ABCG2: variants seen among roughly 807,000 people sequenced by gnomAD.
ABCG2 encodes the protein broad substrate specificity ATP-binding cassette transporter ABCG2.
A neutral mutation model predicts 73.5 loss-of-function variants in ABCG2; 80 were observed. The ratio of observed to expected loss-of-function variants is 1.09; its 90% CI spans 0.91 to 1.31. The LOEUF (loss-of-function observed/expected upper bound fraction) is 1.31, where lower values mean the gene tolerates loss of function less well. Ranked by LOEUF, ABCG2 falls within the 50% of genes most tolerant of loss-of-function variation. ABCG2 has a pLI of 0.00. For missense variants in ABCG2, 796 were observed against 786.2 expected (o/e 1.01, Z -0.15); for synonymous variants, 269 against 282.4 (o/e 0.95, Z 0.48).
At chr4:88,102,246 T>A (rs1722473956) in intron 10 of ABCG2, among the ~76,000 whole-genome samples, 1 of 152,142 alleles carries the variant, frequency 6.6e-6, no homozygotes, top group Non-Finnish European at 1.5e-5. Context: ...AATTTGTGTA[T>A]CGTAATGAAA....
chr4:88,127,752 C>T (rs982462898), intron 5 of ABCG2, among the ~76,000 whole-genome samples: 6 of 151,480 alleles, frequency 4.0e-5, no homozygotes, highest in African/African-American at 9.7e-5. Context: ...CACTTCCTTA[C>T]ACCTCTACTC....
At chr4:88,189,309 C>T (rs1159080617) in intron 1 of ABCG2, among the ~76,000 whole-genome samples, 2 of 151,930 alleles carry the variant, frequency 1.3e-5, no homozygotes. Context: ...GGATCAAGAG[C>T]TTGAGACCAG....
chr4:88,156,145 C>T (rs1418331707), intron 1 of ABCG2, among the ~76,000 whole-genome samples: 2 of 151,830 alleles, frequency 1.3e-5, no homozygotes, highest in Non-Finnish European at 2.9e-5. Context: ...GAGGCCGAGG[C>T]GGGCAGATCA....
At chr4:88,175,088 T>A (rs1357459402) in intron 1 of ABCG2, among the ~76,000 whole-genome samples, 1 of 152,204 alleles carries the variant, frequency 6.6e-6, no homozygotes, top group Non-Finnish European at 1.5e-5. Flanking sequence ...TTTCTGTTGT[T>A]TAAATCAAGT....
At chr4:88,230,421 C>T (rs986852865) in intron 1 of ABCG2, among the ~76,000 whole-genome samples, 2 of 151,000 alleles carry the variant, frequency 1.3e-5, no homozygotes, top group African/African-American at 4.9e-5. Context: ...TCAAAGTGAC[C>T]ACCAGCCACA....
Position 88,090,335 on chromosome 4 carries a change from T to C in ABCG2, c.*1899A>G, listed in dbSNP as rs1721571192. On this transcript the variant is annotated 3_prime_UTR_variant, in exon 16 of 16. Transcript: ENST00000237612. ...GCTGTTTTGTTTCTTTTGAAGTATA[T>C]TTTGTGTAAAAAGTATAGATAGATA... is the stretch of plus-strand genomic sequence containing the variant. The C allele has an allele frequency of 6.6e-6, 1 of 152,108 alleles. No homozygotes were observed. Among genetic ancestry groups the C allele is most frequent in the Non-Finnish European group, 1.5e-5 (1 of 68,020 alleles). 9.4% of individuals were successfully genotyped at this position (152,108 alleles called of 1,614,324 possible).
intron 5 of ABCG2, among the ~76,000 whole-genome samples, chr4:88,127,057 C>T (rs1156295141): frequency 6.6e-6 from 1 of 152,202 alleles, no homozygotes; most frequent in African/African-American, 2.4e-5. Flanking sequence ...TCTCTGAAGG[C>T]TGATAAGCAA....
intron 1 of ABCG2, among the ~76,000 whole-genome samples, chr4:88,206,986 G>T (rs1221600457): frequency 6.6e-6 from 1 of 152,108 alleles, no homozygotes; most frequent in Non-Finnish European, 1.5e-5. Flanking sequence ...GTAGAGACGG[G>T]GTTTCACCAT....
chr4:88,099,085 C>A (rs777903490), intron 12 of ABCG2, among the ~76,000 whole-genome samples: 2 of 152,130 alleles, frequency 1.3e-5, no homozygotes, highest in East Asian at 1.9e-4. Flanking sequence ...CAGAGCAAGA[C>A]CCTGTCTCAA....
intron 6 of ABCG2, among the ~76,000 whole-genome samples, chr4:88,120,467 G>A (rs1205798518): frequency 1.3e-5 from 2 of 152,150 alleles, no homozygotes; most frequent in East Asian, 1.9e-4. Flanking sequence ...GCTGTGCCCT[G>A]CAAATCCACA....
At chr4:88,154,908 C>T (rs1224068281) in intron 1 of ABCG2, among the ~76,000 whole-genome samples, 1 of 152,180 alleles carries the variant, frequency 6.6e-6, no homozygotes, top group East Asian at 1.9e-4. Context: ...GCGGCGGCAG[C>T]CACTGCACGG....
chr4:88,161,663 T>A (rs865922789), upstream of ABCG2, among the ~76,000 whole-genome samples: 1 of 18,958 alleles, frequency 5.3e-5, no homozygotes, highest in South Asian at 1.5e-3. Context: ...GCAGCATGAT[T>A]TATAGTCCTT....
chr4:88,132,494 T>C (rs1164325864), intron 3 of ABCG2, 82 bp downstream of exon 3: 6 of 1,428,220 alleles, frequency 4.2e-6, no homozygotes, highest in Middle Eastern at 1.8e-4. Flanking sequence ...AATAAATACC[T>C]GCTCGCACAC....
rs185165642 is a variant in ABCG2 at position 88,139,245 on chromosome 4, C to G, written c.203+548G>C. Among the ~76,000 whole-genome samples, 11 of 151,910 alleles carry G rather than the reference C, an allele frequency of 7.2e-5. No individual in the cohort carries two copies. In the East Asian group the frequency reaches 1.9e-3, roughly 27 times the overall value. ...GATAAAATAAGCAAAATAAATGCAC[C>G]CTCACAAAGTACGCTTTTTCTTTTT... On this transcript the variant is annotated intron_variant, in intron 2 of 15. Coordinates refer to ENST00000237612, the MANE Select transcript of ABCG2 (RefSeq NM_004827.3).
At chr4:88,145,008 C>G (rs766924612) in intron 1 of ABCG2, among the ~76,000 whole-genome samples, 1 of 151,274 alleles carries the variant, frequency 6.6e-6, no homozygotes, top group Non-Finnish European at 1.5e-5. Context: ...AAGTCTTCAG[C>G]CTGCCACCTG....
chr4:88,228,827 G>A (rs1454491520), intron 1 of ABCG2, among the ~76,000 whole-genome samples: 1 of 151,048 alleles, frequency 6.6e-6, no homozygotes, highest in African/African-American at 2.4e-5. Flanking sequence ...GATTGTAAAC[G>A]CACCAATCAG....
chr4:88,222,432 C>T (rs1469748196), intron 1 of ABCG2, among the ~76,000 whole-genome samples: 10 of 152,132 alleles, frequency 6.6e-5, no homozygotes, highest in South Asian at 2.1e-4. Context: ...CCGCTGTTCT[C>T]GTGATAGTGA....
rs528862345 is a variant in ABCG2 at position 88,125,153 on chromosome 4, G to A, written c.532-3361C>T. 4.2e-3 allele frequency among the ~76,000 whole-genome samples: 642 copies of A among 151,350 alleles called. 1 individual carries two copies. Among genetic ancestry groups the A allele is most frequent in the African/African-American group, 6.6e-3 (271 of 41,262 alleles). ...TAAAAATACAAAAAATTAGCTGGGCGTGGTGGCGGGCACCTGTAGTCCCAG... is the reference window on the plus strand; with the variant it reads ...TAAAAATACAAAAAATTAGCTGGGCATGGTGGCGGGCACCTGTAGTCCCAG... On this transcript the variant is annotated intron_variant, in intron 5 of 15. Coordinates refer to ENST00000237612, the MANE Select transcript of ABCG2 (RefSeq NM_004827.3).
intron 9 of ABCG2, among the ~76,000 whole-genome samples, chr4:88,107,510 G>T (rs1177751528): frequency 2.0e-5 from 3 of 152,176 alleles, no homozygotes; most frequent in Admixed American, 6.5e-5. Flanking sequence ...AAAGCACACT[G>T]CTGGAAAAGC....
Sources: gnomAD v4.1 joint callset for allele counts (sites outside exome capture counted in the v4.1 genomes callset) on GRCh38, gnomAD v4.1.1 for gene constraint, MANE v1.5 for transcripts, NCBI Gene and HGNC (gene_info 2026-07-23, HGNC 2026-07-21) for gene names.